Variants in NUP93 observed in about 807,000 individuals in gnomAD.
The protein encoded by NUP93 is nuclear pore complex protein Nup93.
NUP93 carries 55 observed loss-of-function variants against 107.8 expected under a neutral mutation model. That is an observed-to-expected ratio of 0.51 (90% CI 0.41 to 0.64). NUP93 has a LOEUF of 0.64. Among genes scored for constraint, NUP93 ranks in the 30% least tolerant of loss-of-function variants. NUP93 has a pLI of 0.00. For missense variants in NUP93, 937 were observed against 1,044.7 expected, an observed-to-expected ratio of 0.90 and a Z score of 1.42; for synonymous variants, 390 against 397.5, an observed-to-expected ratio of 0.98 and a Z score of 0.22.
intron 3 of NUP93, among the ~76,000 whole-genome samples, chr16:56,792,547 C>T (rs1368580078): frequency 6.6e-6 from 1 of 152,176 alleles, no homozygotes; most frequent in Non-Finnish European, 1.5e-5. Flanking sequence ...TTGTACAGCT[C>T]ACTCAACTTT....
chr16:56,818,142 C>T (rs1308639046), intron 5 of NUP93, among the ~76,000 whole-genome samples: 1 of 152,140 alleles, frequency 6.6e-6, no homozygotes, highest in Non-Finnish European at 1.5e-5. Context: ...TCCAACTTGC[C>T]CTGGTCTCAC....
intron 10 of NUP93, among the ~76,000 whole-genome samples, chr16:56,831,139 A>G (rs1963776723): frequency 6.6e-6 from 1 of 152,254 alleles, no homozygotes; most frequent in South Asian, 2.1e-4. Context: ...TAATCATTGA[A>G]TTGATTCATT....
intron 20 of NUP93, 161 bp from the exon 21 acceptor site, chr16:56,841,544 C>A: frequency 2.6e-6 from 2 of 781,742 alleles, no homozygotes; most frequent in Non-Finnish European, 2.0e-6. Context: ...CTTGATGTTT[C>A]AGTGCCATCA....
Position 56,837,684 on chromosome 16 carries a change from A to G in NUP93, c.1976A>G (p.Asn659Ser). ...VVPQISAPQS[N>S]KERLKNMALS... is the part of the protein sequence containing the mutation. ...CCCCAGATCAGTGCCCCGCAATCCA[A>G]CAAGGAGAGGCTGAAGAACATGGCA... Residue 659 changes from asparagine (N) to serine (S), a missense_variant, in exon 18 of 22, where the codon AAC becomes AGC. Transcript: ENST00000308159. The G allele has an allele frequency of 1.9e-6, 3 of 1,614,148 alleles. No homozygotes were observed. The highest frequency in any genetic ancestry group is 1.7e-6 in the Non-Finnish European group (2 of 1,179,998).
At chr16:56,825,920 A>C (rs369357618) in intron 8 of NUP93, among the ~76,000 whole-genome samples, 3 of 152,338 alleles carry the variant, frequency 2.0e-5, no homozygotes, top group East Asian at 3.9e-4. Flanking sequence ...GACAGTATGC[A>C]TATAATAGTT....
chr16:56,798,162 A>G (rs1050672387), intron 3 of NUP93, among the ~76,000 whole-genome samples: 9 of 152,242 alleles, frequency 5.9e-5, no homozygotes, highest in Non-Finnish European at 1.2e-4. Context: ...CCAAGGCTGT[A>G]TCTGCAATAT....
chr16:56,822,200 A>G (rs1209391032), intron 7 of NUP93, among the ~76,000 whole-genome samples: 1 of 151,730 alleles, frequency 6.6e-6, no homozygotes, highest in Non-Finnish European at 1.5e-5. Flanking sequence ...ACCCATACAC[A>G]GATTTTTTTT....
chr16:56,783,963 A>G (rs1962570951), intron 3 of NUP93: 2 of 860,248 alleles, frequency 2.3e-6, no homozygotes, highest in Non-Finnish European at 2.8e-6. Flanking sequence ...GAACGCTGCA[A>G]ATATGAAAAG....
chr16:56,739,650 G>C (rs1235585756), intron 1 of NUP93, among the ~76,000 whole-genome samples: 2 of 116,968 alleles, frequency 1.7e-5, no homozygotes, highest in African/African-American at 3.3e-5. Flanking sequence ...CCTCCCGGAC[G>C]GGGCGGCTGG....
intron 3 of NUP93, among the ~76,000 whole-genome samples, chr16:56,766,356 G>GT (rs1339460055): frequency 6.6e-6 from 1 of 152,110 alleles, no homozygotes; most frequent in African/African-American, 2.4e-5. Context: ...GAGTTGAGTC[G>GT]TCCCCTCCCT....
intron 3 of NUP93, among the ~76,000 whole-genome samples, chr16:56,780,126 C>T (rs1367135566): frequency 6.6e-6 from 1 of 152,212 alleles, no homozygotes; most frequent in South Asian, 2.1e-4. Flanking sequence ...TCAACACACA[C>T]GTTTCTCCCT....
At chr16:56,774,102 A>G (rs1166547748) in intron 3 of NUP93, among the ~76,000 whole-genome samples, 8 of 152,226 alleles carry the variant, frequency 5.3e-5, no homozygotes, top group African/African-American at 1.9e-4. Flanking sequence ...AGAGGAGAAT[A>G]AAGAAGAGAG....
At chr16:56,836,499 A>T in intron 16 of NUP93, 102 bp from the exon 17 acceptor site, 1 of 715,750 alleles carries the variant, frequency 1.4e-6, no homozygotes, top group Non-Finnish European at 2.4e-6. Context: ...AAGCAATTCC[A>T]CTTGAAGTAT....
intron 1 of NUP93, among the ~76,000 whole-genome samples, chr16:56,733,069 G>C (rs1361135140): frequency 2.0e-5 from 3 of 152,182 alleles, no homozygotes; most frequent in African/African-American, 7.2e-5. Context: ...TAGGGTTGGG[G>C]ATGTGTTATA....
Position 56,847,487 on chromosome 16 carries a change from G to A in NUP93, c.*2878G>A, listed in dbSNP as rs993597460. ...AGATTTCGATCTTTCTAATGAAATT[G>A]GGGGCACTTTGAGACTGTCAGGGTT... On this transcript the variant is annotated 3_prime_UTR_variant, in exon 22 of 22. Transcript: ENST00000308159. The A allele has an allele frequency of 4.6e-5, 7 of 151,312 alleles. No individual in the cohort carries two copies. Among genetic ancestry groups the A allele is most frequent in the African/African-American group, 1.7e-4 (7 of 40,636 alleles). The allele number at this position is 151,312 out of a possible 1,614,324, so 9.4% of individuals were successfully genotyped here.
chr16:56,763,292 T>G (rs1199792181), intron 3 of NUP93, among the ~76,000 whole-genome samples: 5 of 152,226 alleles, frequency 3.3e-5, no homozygotes, highest in African/African-American at 9.6e-5. Context: ...ACTACTTATA[T>G]CTGATTTCAG....
intron 4 of NUP93, among the ~76,000 whole-genome samples, chr16:56,803,826 G>A (rs538580620): frequency 3.9e-4 from 59 of 152,166 alleles, no homozygotes; most frequent in Admixed American, 3.5e-3. Flanking sequence ...CTGGAGTGCA[G>A]TGGTACAGTC....
chr16:56,775,439 A>G (rs1202041760), intron 3 of NUP93, among the ~76,000 whole-genome samples: 3 of 152,226 alleles, frequency 2.0e-5, no homozygotes, highest in Non-Finnish European at 4.4e-5. Context: ...GATATAATAT[A>G]GTACCCATTC....
At chr16:56,802,822 A>G (rs1963050144) in intron 4 of NUP93, among the ~76,000 whole-genome samples, 1 of 152,212 alleles carries the variant, frequency 6.6e-6, no homozygotes, top group Non-Finnish European at 1.5e-5. Context: ...ATTGTAAATG[A>G]AATGGCTTTT....
Sources: allele counts gnomAD v4.1 joint callset (sites outside exome capture counted in the v4.1 genomes callset), GRCh38; gene constraint gnomAD v4.1.1; transcripts MANE v1.5; gene names NCBI Gene and HGNC (gene_info 2026-07-23, HGNC 2026-07-21).